Variants in MYO1H observed in about 807,000 individuals in gnomAD.
MYO1H encodes the protein unconventional myosin-Ih.
Under a neutral mutation model 149.3 loss-of-function variants are expected in MYO1H, and 118 were observed. The ratio of observed to expected loss-of-function variants is 0.79; its 90% confidence interval spans 0.68 to 0.92. MYO1H has a LOEUF of 0.92. Among genes scored for constraint, MYO1H ranks in the 40% least tolerant of loss-of-function variants. The probability of loss-of-function intolerance (pLI) is 0.00; values close to 1 mark genes in which losing one functional copy is unlikely to be tolerated. For synonymous variants in MYO1H, 447 were observed against 465.2 expected, an observed-to-expected ratio of 0.96 and a Z score of 0.50; for missense variants, 1,212 against 1,280.7, an observed-to-expected ratio of 0.95 and a Z score of 0.82.
In MYO1H at chr12:109,396,603, A is replaced by G; in HGVS notation, c.489+21A>G. On this transcript the variant is annotated intron_variant, in intron 4 of 31. Coordinates refer to ENST00000310903, the Ensembl canonical transcript of MYO1H. ...TGGAGGTAAGCGATCTCTGGGGACC[A>G]ATCGAAGGGAGTTCCAGGGAGGTCA... 6 of 1,589,484 alleles carry G rather than the reference A, an allele frequency of 3.8e-6. No homozygotes were observed. In the East Asian group the frequency reaches 6.7e-5, roughly 18 times the overall value.
At chr12:109,391,147 T>C (rs1869635457) in intron 2 of MYO1H, among the ~76,000 whole-genome samples, 1 of 152,236 alleles carries the variant, frequency 6.6e-6, no homozygotes, top group South Asian at 2.1e-4. Flanking sequence ...GTAAACGTGC[T>C]GTGGTGGTTT....
chr12:109,445,485 AGTAATGTGTCACTTT>A lies in MYO1H; in HGVS notation c.2994-25_2994-11del. 1.3e-6 allele frequency: 2 copies of A among 1,520,118 alleles called. No individual in the cohort carries two copies. The highest frequency in any genetic ancestry group is 1.8e-6 in the Non-Finnish European group (2 of 1,101,116). 94.2% of individuals were successfully genotyped at this position (1,520,118 alleles called of 1,614,324 possible). ...TTGAGAGAAGAAAATACAGTATGTC[AGTAATGTGTCACTTT>A]GTGTATTTTAAGTTTACAGTTTTTT... On this transcript the variant is annotated splice_polypyrimidine_tract_variant and intron_variant, in intron 30 of 31. Coordinates refer to ENST00000310903, the Ensembl canonical transcript of MYO1H.
intron 1 of MYO1H, among the ~76,000 whole-genome samples, chr12:109,348,260 A>G (rs1868382175): frequency 6.6e-6 from 1 of 152,210 alleles, no homozygotes; most frequent in South Asian, 2.1e-4. Flanking sequence ...AAAGACAGAA[A>G]TGGTCTCTGT....
intron 1 of MYO1H, among the ~76,000 whole-genome samples, chr12:109,387,557 G>T (rs1452821235): frequency 6.6e-6 from 1 of 152,188 alleles, no homozygotes; most frequent in Non-Finnish European, 1.5e-5. Context: ...TCACTAGAGG[G>T]CACTGGAGGG....
At chr12:109,342,681 C>G in the MYO1H span, among the ~76,000 whole-genome samples, 2 of 150,636 alleles carry the variant, frequency 1.3e-5, no homozygotes, top group Non-Finnish European at 3.0e-5. Flanking sequence ...TATTTGGGAC[C>G]ACAGGTGCAC....
intron 17 of MYO1H, 51 bp downstream of exon 17, chr12:109,424,879 TGA>T: frequency 6.9e-7 from 1 of 1,443,654 alleles, no homozygotes; most frequent in Non-Finnish European, 9.7e-7. Flanking sequence ...GAGGGTGAGA[TGA>T]CCACCAACTA....
At chr12:109,419,994 T>A (rs983381440) in intron 15 of MYO1H, among the ~76,000 whole-genome samples, 4 of 152,212 alleles carry the variant, frequency 2.6e-5, no homozygotes, top group Non-Finnish European at 5.9e-5. Context: ...AAATGACATG[T>A]CTGTCTTTGC....
At chr12:109,443,132 A>ATATATGTGTACGTATG (rs1872271420) in intron 27 of MYO1H, among the ~76,000 whole-genome samples, 2 of 71,646 alleles carry the variant, frequency 2.8e-5, no homozygotes, top group Non-Finnish European at 5.6e-5. Context: ...GTACGTATAT[A>ATATATGTGTACGTATG]TGTGTGTATA....
rs140595578 is a variant in MYO1H at position 109,351,557 on chromosome 12, T to C, written c.12+3585T>C. ...TTGTTCACTGCTCCTGTAATTGCGT[T>C]ATATTTCTAAAGAGATTGTAAATTC... is the stretch of plus-strand genomic sequence containing the variant. On this transcript the variant is annotated intron_variant, in intron 1 of 31. Coordinates refer to ENST00000310903, the Ensembl canonical transcript of MYO1H. 1.4e-3 allele frequency among the ~76,000 whole-genome samples: 207 copies of C among 152,356 alleles called. 1 individual carries two copies. The highest frequency in any genetic ancestry group is 4.8e-3 in the African/African-American group (198 of 41,586).
intron 1 of MYO1H, among the ~76,000 whole-genome samples, chr12:109,385,948 T>C (rs1869297227): frequency 6.6e-6 from 1 of 152,230 alleles, no homozygotes; most frequent in Admixed American, 6.5e-5. Flanking sequence ...TCTTGACCGA[T>C]AGATATACTC....
chr12:109,372,877 C>T (rs1172174952), intron 1 of MYO1H, among the ~76,000 whole-genome samples: 5 of 151,928 alleles, frequency 3.3e-5, no homozygotes, highest in Admixed American at 6.6e-5. Context: ...ATTGAATCTC[C>T]CTATCCAAGA....
At chr12:109,322,793 C>T in the MYO1H span, among the ~76,000 whole-genome samples, 1 of 142,962 alleles carries the variant, frequency 7.0e-6, no homozygotes, top group Non-Finnish European at 1.5e-5. Context: ...GTACTCCAGC[C>T]TGGATGGCAG....
At chr12:109,406,591 A>G (rs188364676) in intron 8 of MYO1H, among the ~76,000 whole-genome samples, 198 bp from the exon 9 acceptor site, 3 of 151,902 alleles carry the variant, frequency 2.0e-5, no homozygotes, top group Non-Finnish European at 2.9e-5. Flanking sequence ...TGGAGGTTGC[A>G]GTGAGCTGAG....
the MYO1H span, among the ~76,000 whole-genome samples, chr12:109,327,134 C>CTTTTTTTTTTT: frequency 1.1e-5 from 1 of 94,744 alleles, no homozygotes; most frequent in African/African-American, 4.6e-5. Context: ...TTTTCTTTTT[C>CTTTTTTTTTTT]TTTTTTTTTT....
intron 1 of MYO1H, among the ~76,000 whole-genome samples, chr12:109,370,264 G>A (rs563378058): frequency 3.3e-5 from 5 of 152,236 alleles, no homozygotes; most frequent in African/African-American, 7.2e-5. Flanking sequence ...GTCTACATGC[G>A]ACCAGCTCAG....
the MYO1H span, among the ~76,000 whole-genome samples, chr12:109,337,160 C>A: frequency 2.0e-5 from 3 of 152,132 alleles, no homozygotes; most frequent in African/African-American, 7.2e-5. Context: ...TTTTTGCTTC[C>A]AGGGGTTAAG....
intron 1 of MYO1H, among the ~76,000 whole-genome samples, chr12:109,380,357 C>T (rs116038958): frequency 2.5e-3 from 373 of 151,814 alleles, no homozygotes; most frequent in African/African-American, 5.9e-3. Flanking sequence ...AAAATCAATC[C>T]GCTGACATAA....
At chr12:109,412,058 A>G (rs1870700390) in intron 14 of MYO1H, 73 bp downstream of exon 14, 1 of 1,055,094 alleles carries the variant, frequency 9.5e-7, no homozygotes, top group East Asian at 2.7e-5. Flanking sequence ...GTATTTGGAT[A>G]ATGTTCTTCA....
intron 1 of MYO1H, chr12:109,354,403 C>G (rs1340034901): frequency 2.6e-5 from 4 of 151,604 alleles, no homozygotes; most frequent in Non-Finnish European, 5.9e-5. Context: ...GAGATCGAGA[C>G]CATCCTGGCT....
Sources: allele counts gnomAD v4.1 joint callset (sites outside exome capture counted in the v4.1 genomes callset), GRCh38; gene constraint gnomAD v4.1.1; transcripts MANE v1.5; gene names NCBI Gene and HGNC (gene_info 2026-07-23, HGNC 2026-07-21).